The following SIN3A variants were observed in gnomAD, a reference collection of about 807,000 sequenced individuals.
SIN3A encodes paired amphipathic helix protein Sin3a.
A neutral mutation model predicts 146.1 loss-of-function variants in SIN3A; 14 were observed. That is an observed-to-expected ratio of 0.10 (90% CI 0.06 to 0.15). SIN3A has a LOEUF of 0.15. Ranked by LOEUF, SIN3A falls within the 10% of genes least tolerant of loss-of-function variation. SIN3A has a pLI of 1.00. For missense variants in SIN3A, 1,028 were observed against 1,576.0 expected (o/e 0.65, Z 5.89); for synonymous variants, 572 against 572.0 (o/e 1.00, Z 0.00).
chr15:75,451,740 C>CT (rs1567443471), upstream of SIN3A: 3 of 151,744 alleles, frequency 2.0e-5, no homozygotes, highest in African/African-American at 7.3e-5. Context: ...AGAGGGAAGA[C>CT]TCAGCTTCGT....
chr15:75,451,691 ACCCGGGAAATCCCGCCCACT>A (rs1220035455), upstream of SIN3A: 2 of 151,242 alleles, frequency 1.3e-5, no homozygotes, highest in Non-Finnish European at 2.9e-5. Flanking sequence ...CTTCTCTGTT[ACCCGGGAAATCCCGCCCACT>A]CCCCCGACCC....
At chr15:75,409,713 C>T (rs1292420597) in intron 8 of SIN3A, 123 bp downstream of exon 8, 10 of 1,058,086 alleles carry the variant, frequency 9.5e-6, no homozygotes, top group African/African-American at 8.0e-5. Flanking sequence ...GGCGACAGAG[C>T]GAGACTCGGT....
intron 17 of SIN3A, among the ~76,000 whole-genome samples, chr15:75,383,629 C>T (rs572930241): frequency 1.3e-5 from 2 of 151,968 alleles, no homozygotes; most frequent in East Asian, 3.9e-4. Flanking sequence ...CCCGGGTTCA[C>T]GCCATTCTCC....
chr15:75,403,827 T>C (rs890383062), intron 9 of SIN3A, among the ~76,000 whole-genome samples: 23 of 152,200 alleles, frequency 1.5e-4, no homozygotes, highest in Non-Finnish European at 2.4e-4. Flanking sequence ...ATTACAGGCG[T>C]GAGCCACTGC....
chr15:75,453,918 C>T (rs28676869), upstream of SIN3A: 1 of 152,380 alleles, frequency 6.6e-6, no homozygotes, highest in Non-Finnish European at 1.5e-5. Context: ...CGGCTCTCCC[C>T]GCCCCCCTCG....
intron 12 of SIN3A, among the ~76,000 whole-genome samples, chr15:75,397,225 A>G (rs999709970): frequency 6.6e-6 from 1 of 152,182 alleles, no homozygotes; most frequent in Non-Finnish European, 1.5e-5. Flanking sequence ...TCTACAACCA[A>G]CTGTTTGCAG....
intron 1 of SIN3A, among the ~76,000 whole-genome samples, chr15:75,445,791 G>T (rs993016417): frequency 6.9e-6 from 1 of 144,032 alleles, no homozygotes; most frequent in African/African-American, 2.5e-5. Context: ...AGAAAGAAAA[G>T]AAAATAGAGC....
intron 1 of SIN3A, among the ~76,000 whole-genome samples, chr15:75,430,706 T>C (rs2073999481): frequency 6.6e-6 from 1 of 152,318 alleles, no homozygotes; most frequent in East Asian, 1.9e-4. Context: ...CTTTATTCTC[T>C]AGTTTTCTCC....
chr15:75,422,940 T>C, intron 2 of SIN3A, 117 bp from the exon 3 acceptor site: 1 of 1,017,190 alleles, frequency 9.8e-7, no homozygotes. Context: ...AAATTTCTGC[T>C]GGGCGTGATG....
At chr15:75,427,689 G>A (rs986643323) in intron 2 of SIN3A, among the ~76,000 whole-genome samples, 4 of 151,218 alleles carry the variant, frequency 2.6e-5, no homozygotes, top group African/African-American at 9.7e-5. Flanking sequence ...AATAAAATAG[G>A]CTAGGCGTGG....
rs532590253 is a variant in SIN3A at position 75,385,395 on chromosome 15, G to A, written c.3022-958C>T. Among the ~76,000 whole-genome samples, 3 of 152,288 alleles carry A rather than the reference G, an allele frequency of 2.0e-5. No homozygotes were observed. The East Asian group carries it at 5.8e-4, about 29-fold the overall frequency. On this transcript the variant is annotated intron_variant, in intron 16 of 20. Coordinates refer to ENST00000394947, the MANE Select transcript of SIN3A (RefSeq NM_001145358.2). ...ATCTGATAGAAAGTATAGGGCTTAA[G>A]TTGTACATAAAGTTAACTCACTTTC... is the stretch of plus-strand genomic sequence containing the variant.
intron 9 of SIN3A, among the ~76,000 whole-genome samples, chr15:75,403,532 GT>G (rs1161836763): frequency 6.6e-6 from 1 of 150,802 alleles, no homozygotes; most frequent in Non-Finnish European, 1.5e-5. Flanking sequence ...TCAGGTTTTT[GT>G]TGCCTCTTTT....
At chr15:75,378,561 T>C (rs2072908345) in intron 19 of SIN3A, among the ~76,000 whole-genome samples, 1 of 152,048 alleles carries the variant, frequency 6.6e-6, no homozygotes, top group Non-Finnish European at 1.5e-5. Flanking sequence ...CGAAATTCCG[T>C]CTCAAAAAAG....
intron 2 of SIN3A, among the ~76,000 whole-genome samples, chr15:75,425,347 T>G (rs569643109): frequency 1.3e-5 from 2 of 152,302 alleles, no homozygotes; most frequent in South Asian, 4.1e-4. Flanking sequence ...ATTTTTGTAT[T>G]TTTAGTAGAG....
chr15:75,396,303 C>G lies in SIN3A; in HGVS notation c.2048G>C (p.Gly683Ala). Residue 683 changes from glycine to alanine, a missense_variant, in exon 13 of 21, where the codon GGT becomes GCT. Gly to Ala is a moderately conservative substitution (Grantham distance 60). This residue lies in a region of SIN3A where 157 missense variants were observed against 284.8 expected (regional missense o/e 0.55). Coordinates refer to ENST00000394947, the MANE Select transcript of SIN3A (RefSeq NM_001145358.2). The stretch of plus-strand genomic sequence containing the variant: ...AGCAATGGAGGGATTCTTTCTCAGA[C>G]CATCAATGATGTCAGCTGCTTTATC... The part of the protein sequence containing the change: ...YADKAADIID[G>A]LRKNPSIAVP... 1 of 1,614,156 alleles carries G rather than the reference C, an allele frequency of 6.2e-7. No homozygotes were observed. The highest frequency in any genetic ancestry group is 8.5e-7 in the Non-Finnish European group (1 of 1,180,010).
intron 1 of SIN3A, chr15:75,448,175 T>TAAAA (rs59766455): frequency 7.5e-6 from 1 of 133,306 alleles, no homozygotes; most frequent in Non-Finnish European, 1.6e-5. Context: ...AGACTTCGTC[T>TAAAA]AAAAAAAAAA....
chr15:75,410,675 T>C (rs548060335), intron 6 of SIN3A, among the ~76,000 whole-genome samples: 1 of 152,094 alleles, frequency 6.6e-6, no homozygotes, highest in Non-Finnish European at 1.5e-5. Flanking sequence ...CTCCTCCTAC[T>C]GTACATTAAC....
chr15:75,425,946 A>T (rs2073916674), intron 2 of SIN3A, among the ~76,000 whole-genome samples: 1 of 152,234 alleles, frequency 6.6e-6, no homozygotes, highest in Admixed American at 6.5e-5. Flanking sequence ...ATCCACAGAA[A>T]CAAAACAAGG....
intron 2 of SIN3A, 159 bp downstream of exon 2, chr15:75,430,028 T>C: frequency 1.6e-6 from 1 of 621,358 alleles, no homozygotes. Context: ...CATTCTTTTT[T>C]TAAAAACTTG....
Sources: allele counts gnomAD v4.1 joint callset (sites outside exome capture counted in the v4.1 genomes callset), GRCh38; gene constraint gnomAD v4.1.1; regional missense constraint gnomAD v4.1.1; transcripts MANE v1.5; gene names NCBI Gene and HGNC (gene_info 2026-07-23, HGNC 2026-07-21).